The following GALNT2 variants were observed in gnomAD, a reference collection of about 807,000 sequenced individuals.
GALNT2 encodes UDP-GalNAc:polypeptide N-acetylgalactosaminyltransferase 2.
Under a neutral mutation model 81.4 loss-of-function variants are expected in GALNT2, and 31 were observed. That is an observed-to-expected ratio of 0.38 (90% CI 0.29 to 0.51). The LOEUF (loss-of-function observed/expected upper bound fraction) is 0.51, where lower values mean the gene tolerates loss of function less well. GALNT2 is among the 20% of genes least tolerant of loss of function. The pLI is 0.87. For synonymous variants in GALNT2, 303 were observed against 287.4 expected, an observed-to-expected ratio of 1.05 and a Z score of -0.55; for missense variants, 629 against 765.7, an observed-to-expected ratio of 0.82 and a Z score of 2.11.
chr1:230,085,556 TG>T (rs1432412480), intron 1 of GALNT2, among the ~76,000 whole-genome samples: 6 of 152,214 alleles, frequency 3.9e-5, no homozygotes, highest in African/African-American at 1.4e-4. Context: ...TTGCTGGCTC[TG>T]GGTCTCCTTC....
chr1:230,206,836 A>G (rs1664070946), intron 3 of GALNT2, among the ~76,000 whole-genome samples: 2 of 152,148 alleles, frequency 1.3e-5, no homozygotes, highest in South Asian at 4.1e-4. Context: ...TTTATCATCT[A>G]TAAGATGATA....
intron 2 of GALNT2, among the ~76,000 whole-genome samples, chr1:230,201,474 C>T (rs1489247015): frequency 6.6e-6 from 1 of 152,178 alleles, no homozygotes; most frequent in Non-Finnish European, 1.5e-5. Flanking sequence ...TTCTCAGTTT[C>T]CTCATCTCTG....
chr1:230,192,607 GAT>G (rs1381656191), intron 2 of GALNT2, among the ~76,000 whole-genome samples: 4 of 152,228 alleles, frequency 2.6e-5, no homozygotes, highest in Admixed American at 6.5e-5. Flanking sequence ...TTGAAGAAGA[GAT>G]ATAGGATGAT....
At chr1:230,249,966 A>T (rs181304959) in intron 9 of GALNT2, among the ~76,000 whole-genome samples, 1 of 152,218 alleles carries the variant, frequency 6.6e-6, no homozygotes, top group Non-Finnish European at 1.5e-5. Flanking sequence ...TCCTGGGATG[A>T]TGAAGTGAGG....
In GALNT2 at chr1:230,257,162, T is replaced by C. The variant is rs1665739800; in HGVS notation, c.1136+1818T>C. 6.6e-6 allele frequency among the ~76,000 whole-genome samples: 1 copy of C among 152,256 alleles called. No homozygotes were observed. The highest frequency in any genetic ancestry group is 2.4e-5 in the African/African-American group (1 of 41,478). ...GGTCATGGGAAACGTTGGATGTTAT[T>C]TGATTCTGAAGGAAAACACTGGGGC... On this transcript the variant is annotated intron_variant, in intron 11 of 15. Transcript: ENST00000366672. The surrounding 1 kb of genome is among the most constrained non-coding windows in gnomAD (Gnocchi z 4.6).
chr1:230,064,082 T>C (rs1558265884), upstream of GALNT2, among the ~76,000 whole-genome samples: 3 of 152,208 alleles, frequency 2.0e-5, no homozygotes, highest in Admixed American at 6.5e-5. Context: ...TATATTTTGT[T>C]GTAGTGATTT....
chr1:230,257,537 G>C lies in GALNT2; in HGVS notation c.1136+2193G>C, dbSNP rs2102755302. 6.6e-6 allele frequency among the ~76,000 whole-genome samples: 1 copy of C among 152,312 alleles called. No individual in the cohort carries two copies. The highest frequency in any genetic ancestry group is 2.1e-4 in the South Asian group (1 of 4,826). ...ATGTGCTCTACACGTTTGTAGCCTA[G>C]AAGCAATAGGCTGTACCATGTAGCC... On this transcript the variant is annotated intron_variant, in intron 11 of 15. Transcript: ENST00000366672. The surrounding 1 kb of genome is among the most constrained non-coding windows in gnomAD (Gnocchi z 4.6).
At chr1:230,088,127 T>TA (rs1272698147) in intron 1 of GALNT2, among the ~76,000 whole-genome samples, 2 of 152,232 alleles carry the variant, frequency 1.3e-5, no homozygotes, top group African/African-American at 4.8e-5. Flanking sequence ...AAAAACCATG[T>TA]AACATAAAGT....
chr1:230,267,392 G>A (rs1048319385), intron 14 of GALNT2, among the ~76,000 whole-genome samples: 14 of 152,312 alleles, frequency 9.2e-5, no homozygotes, highest in Middle Eastern at 3.4e-3. Flanking sequence ...AGGTGGCTGC[G>A]CCTCCTGTTA....
chr1:230,218,409 C>G (rs901412579), intron 3 of GALNT2, among the ~76,000 whole-genome samples: 1 of 152,148 alleles, frequency 6.6e-6, no homozygotes, highest in Non-Finnish European at 1.5e-5. Flanking sequence ...ACGATCTTGG[C>G]GTGTCAGTTA....
At chr1:230,059,875 AT>A (rs1430495651) in intron 1 of GALNT2, among the ~76,000 whole-genome samples, 17 of 152,202 alleles carry the variant, frequency 1.1e-4, no homozygotes, top group African/African-American at 4.1e-4. Flanking sequence ...TTTAGTTTAT[AT>A]TTCCTAACAA....
intron 1 of GALNT2, among the ~76,000 whole-genome samples, chr1:230,151,565 C>G (rs1662094806): frequency 6.6e-6 from 1 of 152,202 alleles, no homozygotes; most frequent in African/African-American, 2.4e-5. Context: ...CTGATTCTCT[C>G]TACAGCAGTG....
At chr1:230,130,289 G>A (rs1271909972) in intron 1 of GALNT2, among the ~76,000 whole-genome samples, 1 of 152,162 alleles carries the variant, frequency 6.6e-6, no homozygotes, top group Non-Finnish European at 1.5e-5. Context: ...CAGCGCTGCC[G>A]CAGCCAGGCC....
rs562382372 is a variant in GALNT2 at position 230,105,713 on chromosome 1, G to A, written c.126+38307G>A. ...GTCTCACTGTGGGGCTTCAGAGAAC[G>A]TGAGCACCTGTGTTTGCATTCTCCA... On this transcript the variant is annotated intron_variant, in intron 1 of 15. Coordinates refer to ENST00000366672, the MANE Select transcript of GALNT2 (RefSeq NM_004481.5). 1.8e-4 allele frequency among the ~76,000 whole-genome samples: 27 copies of A among 152,286 alleles called. No homozygotes were observed. In the South Asian group the frequency reaches 4.6e-3, roughly 26 times the overall value.
intron 1 of GALNT2, among the ~76,000 whole-genome samples, chr1:230,126,893 G>T (rs1404035665): frequency 6.6e-6 from 1 of 152,186 alleles, no homozygotes; most frequent in African/African-American, 2.4e-5. Context: ...TCAGGATTTG[G>T]AGTGAGGAGA....
At chr1:230,262,877 C>T (rs1259412556) in intron 12 of GALNT2, 45 bp from the exon 13 acceptor site, 1 of 1,567,416 alleles carries the variant, frequency 6.4e-7, no homozygotes. Flanking sequence ...GAAAGCCCAT[C>T]TATTCTTAAA....
intron 7 of GALNT2, among the ~76,000 whole-genome samples, chr1:230,245,518 C>T (rs777294654): frequency 5.3e-5 from 8 of 152,112 alleles, no homozygotes; most frequent in Non-Finnish European, 8.8e-5. Flanking sequence ...ATGAGGCAAA[C>T]GTAGAATCTG....
At chr1:230,173,152 G>T (rs1662849206) in intron 1 of GALNT2, among the ~76,000 whole-genome samples, 1 of 152,214 alleles carries the variant, frequency 6.6e-6, no homozygotes, top group Non-Finnish European at 1.5e-5. Context: ...AGAAGACTTA[G>T]AGTTCTCTTT....
At chr1:230,232,693 T>G (rs939043221) in intron 3 of GALNT2, among the ~76,000 whole-genome samples, 4 of 152,230 alleles carry the variant, frequency 2.6e-5, no homozygotes, top group Non-Finnish European at 5.9e-5. Context: ...ATTGGGTTCT[T>G]GGGAAGGACA....
Sources: allele counts gnomAD v4.1 joint callset (sites outside exome capture counted in the v4.1 genomes callset), GRCh38; gene constraint gnomAD v4.1.1; non-coding constraint Gnocchi (gnomAD v3.1); transcripts MANE v1.5; gene names NCBI Gene and HGNC (gene_info 2026-07-23, HGNC 2026-07-21).